The following PPP2R1B variants were observed in gnomAD, a reference collection of about 807,000 sequenced individuals.
The protein encoded by PPP2R1B is protein phosphatase 2 scaffold subunit Abeta.
A neutral mutation model predicts 72.7 loss-of-function variants in PPP2R1B; 58 were observed. That is an observed-to-expected ratio of 0.80 (90% confidence interval 0.65 to 0.99). The LOEUF is 0.99. Ranked by LOEUF, PPP2R1B falls within the 50% of genes least tolerant of loss-of-function variation. PPP2R1B has a pLI of 0.00. For synonymous variants in PPP2R1B, 256 were observed against 264.6 expected (o/e 0.97, Z 0.32); for missense variants, 695 against 733.6 (o/e 0.95, Z 0.61).
At chr11:111,750,956 A>G (rs1203271756) in intron 10 of PPP2R1B, among the ~76,000 whole-genome samples, 2 of 151,830 alleles carry the variant, frequency 1.3e-5, no homozygotes. Context: ...CTCCTGCCTC[A>G]GCCTCCCGAG....
chr11:111,701,513 T>C, the PPP2R1B span: 1 of 1,613,974 alleles, frequency 6.2e-7, no homozygotes. This position sits in a 1 kb window ranked among gnomAD's most constrained non-coding sequence, Gnocchi z 4.2. Context: ...GGACCGACTC[T>C]TCCAATTTTG....
At chr11:111,692,338 G>A in the PPP2R1B span, among the ~76,000 whole-genome samples, 4 of 91,326 alleles carry the variant, frequency 4.4e-5, no homozygotes, top group South Asian at 4.0e-4. Context: ...GCAACAGAGC[G>A]AGACTCAGTC....
At chr11:111,691,383 A>C in the PPP2R1B span, among the ~76,000 whole-genome samples, 408 of 152,268 alleles carry the variant, frequency 2.7e-3, 2 homozygotes, top group African/African-American at 9.4e-3. Context: ...TCTTCACAGC[A>C]ATCTTGGGAG....
At chr11:111,719,356 C>T in the PPP2R1B span, among the ~76,000 whole-genome samples, 1 of 118,850 alleles carries the variant, frequency 8.4e-6, no homozygotes, top group African/African-American at 3.2e-5. Flanking sequence ...GTGACTACCC[C>T]TTTTTTTTTT....
intron 5 of PPP2R1B, among the ~76,000 whole-genome samples, chr11:111,757,835 CAAA>C (rs1334506925): frequency 7.8e-5 from 8 of 103,020 alleles, no homozygotes; most frequent in Admixed American, 1.1e-4. Flanking sequence ...AACTCCATCT[CAAA>C]AAAAAAAAAA....
chr11:111,735,599 A>G (rs762044772), downstream of PPP2R1B, among the ~76,000 whole-genome samples: 10 of 152,210 alleles, frequency 6.6e-5, no homozygotes, highest in Non-Finnish European at 1.5e-4. Context: ...GCACCTCCAC[A>G]GACTTCAAGG....
chr11:111,760,606 G>A lies in PPP2R1B; in HGVS notation c.539+213C>T, dbSNP rs952812217. On this transcript the variant is annotated intron_variant, in intron 4 of 14. Transcript: ENST00000527614. ...CAAGGTTGCAGTGAGCTATGATTGT[G>A]CCACCGCACTCCAGCCTAGACAACA... 3.1e-4 allele frequency among the ~76,000 whole-genome samples: 47 copies of A among 151,788 alleles called. No homozygotes were observed. In the East Asian group the frequency reaches 3.1e-3, roughly 10 times the overall value.
chr11:111,688,132 C>T, the PPP2R1B span: 1 of 1,614,070 alleles, frequency 6.2e-7, no homozygotes, highest in South Asian at 1.1e-5. The surrounding 1 kb of genome is among the most constrained non-coding windows in gnomAD (Gnocchi z 4.2). Flanking sequence ...AAATCTCCTG[C>T]TGGATAACAA....
the PPP2R1B span, among the ~76,000 whole-genome samples, chr11:111,712,992 C>T: frequency 9.8e-3 from 1,492 of 152,192 alleles, 15 homozygotes; most frequent in South Asian, 0.026. Context: ...TGGTGAAACT[C>T]CATCTCTACT....
At chr11:111,697,358 C>T in the PPP2R1B span, among the ~76,000 whole-genome samples, 1 of 152,190 alleles carries the variant, frequency 6.6e-6, no homozygotes, top group South Asian at 2.1e-4. Flanking sequence ...AGATGATATG[C>T]TGAGAGCTGG....
chr11:111,704,959 T>C, the PPP2R1B span: 1 of 1,555,146 alleles, frequency 6.4e-7, no homozygotes, highest in Non-Finnish European at 8.6e-7. Context: ...TACAGTTCTT[T>C]GCCTTTACCA....
At chr11:111,728,597 T>G (rs932043505) in intron 15 of PPP2R1B, 1 of 152,088 alleles carries the variant, frequency 6.6e-6, no homozygotes, top group African/African-American at 2.4e-5. Context: ...CCTGGAATTT[T>G]TTTATAGAAC....
the PPP2R1B span, among the ~76,000 whole-genome samples, chr11:111,706,877 T>C: frequency 6.6e-6 from 1 of 151,064 alleles, no homozygotes; most frequent in Non-Finnish European, 1.5e-5. Context: ...GGAGAATCGC[T>C]TGAACCTGGG....
intron 1 of PPP2R1B, chr11:111,766,034 G>T (rs1413879533): frequency 1.7e-6 from 1 of 598,168 alleles, no homozygotes; most frequent in African/African-American, 1.9e-5. Flanking sequence ...GACGCCTCAG[G>T]GGGTCCGAAG....
chr11:111,742,807 A>G, intron 12 of PPP2R1B, 142 bp from the exon 13 acceptor site: 1 of 678,130 alleles, frequency 1.5e-6, no homozygotes, highest in Non-Finnish European at 2.2e-6. Flanking sequence ...GGACACAAGA[A>G]TCATTCAAAT....
At chr11:111,721,814 C>T in the PPP2R1B span, 44 of 1,581,664 alleles carry the variant, frequency 2.8e-5, no homozygotes, top group Non-Finnish European at 3.7e-5. Flanking sequence ...ATTGTTTCCA[C>T]CCCCTTGCTC....
At chr11:111,742,889 T>G (rs181493037) in intron 12 of PPP2R1B, among the ~76,000 whole-genome samples, 1 of 151,916 alleles carries the variant, frequency 6.6e-6, no homozygotes, top group African/African-American at 2.4e-5. Context: ...TCTTTGTTTT[T>G]TTTTTTTTCA....
At chr11:111,724,149 G>A, downstream of PPP2R1B, 1 of 1,596,104 alleles carries the variant, frequency 6.3e-7, no homozygotes, top group Non-Finnish European at 8.5e-7. Flanking sequence ...AGGAATTGAG[G>A]TGGGTCAGGT....
chr11:111,740,395 T>G lies in PPP2R1B; in HGVS notation c.*1201A>C, dbSNP rs1177803220. 1 of 935,354 alleles carries G rather than the reference T, an allele frequency of 1.1e-6. No homozygotes were observed. The highest frequency in any genetic ancestry group is 1.3e-6 in the Non-Finnish European group (1 of 784,728). 57.9% of individuals were successfully genotyped at this position (935,354 alleles called of 1,614,324 possible). On this transcript the variant is annotated 3_prime_UTR_variant, in exon 15 of 15. Coordinates refer to ENST00000527614, the MANE Select transcript of PPP2R1B (RefSeq NM_002716.5). Reference sequence around the variant, plus strand: ...ACCACGCCCAGCTAACTTTTTTGTATTTTTAGTAGAGATGGGGTTTCACCA... The same window carrying G: ...ACCACGCCCAGCTAACTTTTTTGTAGTTTTAGTAGAGATGGGGTTTCACCA...
Sources: allele counts gnomAD v4.1 joint callset (sites outside exome capture counted in the v4.1 genomes callset), GRCh38; gene constraint gnomAD v4.1.1; non-coding constraint Gnocchi (gnomAD v3.1); transcripts MANE v1.5; gene names NCBI Gene and HGNC (gene_info 2026-07-23, HGNC 2026-07-21).